The following IL1RAPL1 variants were observed in gnomAD, a reference collection of about 807,000 sequenced individuals.
The protein encoded by IL1RAPL1 is interleukin-1 receptor accessory protein-like 1.
IL1RAPL1 carries 3 observed loss-of-function variants against 48.4 expected under a neutral mutation model. The ratio of observed to expected loss-of-function variants is 0.06; its 90% confidence interval spans 0.03 to 0.16. The LOEUF is 0.16. IL1RAPL1 is among the 10% of genes least tolerant of loss of function. IL1RAPL1 has a pLI of 1.00. For synonymous variants in IL1RAPL1, 185 were observed against 187.7 expected, an observed-to-expected ratio of 0.99 and a Z score of 0.12; for missense variants, 349 against 530.6, an observed-to-expected ratio of 0.66 and a Z score of 3.36.
intron 5 of IL1RAPL1, among the ~76,000 whole-genome samples, chrX:29,616,324 C>CTT (rs57186880): frequency 9.8e-6 from 1 of 102,411 alleles, no homozygotes; most frequent in Non-Finnish European, 2.0e-5. Flanking sequence ...AGGAGGGATT[C>CTT]TTTTTTTTTT....
rs756145589 is a variant in IL1RAPL1, at chrX:28,619,618, A to G, written c.-25+31571A>G. On this transcript the variant is annotated intron_variant, in intron 1 of 10. Transcript: ENST00000378993. ...TGAGACCCCGTCTCCAAAAAAAAAA[A>G]AAAAAAAAGATAAAAAAAATTGTTT... Among the ~76,000 whole-genome samples, 20 of 109,276 alleles carry G rather than the reference A, an allele frequency of 1.8e-4. No individual in the cohort carries two copies. The South Asian group carries it at 7.7e-3, about 42-fold the overall frequency. 94.9% of individuals were successfully genotyped at this position (109,276 alleles called of 115,157 possible).
chrX:29,802,804 T>C (rs1184533241), intron 6 of IL1RAPL1, among the ~76,000 whole-genome samples: 2 of 59,435 alleles, frequency 3.4e-5, no homozygotes, highest in Non-Finnish European at 5.5e-5. Context: ...TATATATATA[T>C]ATATATGTGT....
chrX:28,919,238 T>G (rs1405227693), intron 2 of IL1RAPL1, among the ~76,000 whole-genome samples: 1 of 111,938 alleles, frequency 8.9e-6, no homozygotes, highest in Admixed American at 9.5e-5. Flanking sequence ...TATTAACTTA[T>G]TTCATAAGGC....
intron 6 of IL1RAPL1, among the ~76,000 whole-genome samples, chrX:29,873,052 A>G (rs938271962): frequency 1.8e-5 from 2 of 111,522 alleles, no homozygotes; most frequent in Non-Finnish European, 1.9e-5. Flanking sequence ...ATGTGATGTC[A>G]CTGGAGGGGA....
chrX:28,922,124 A>C (rs1026897153), intron 2 of IL1RAPL1, among the ~76,000 whole-genome samples: 11 of 111,738 alleles, frequency 9.8e-5, no homozygotes, highest in African/African-American at 3.6e-4. Context: ...AAATCAAGAA[A>C]CTACCTCAGT....
At chrX:29,685,283 A>G (rs910144258) in intron 6 of IL1RAPL1, among the ~76,000 whole-genome samples, 2 of 110,433 alleles carry the variant, frequency 1.8e-5, no homozygotes, top group Admixed American at 9.5e-5. Context: ...TGGGCAGATC[A>G]CCTGAGGTCA....
In IL1RAPL1 at chrX:28,795,743, A is replaced by G. The variant is rs1032007463; in HGVS notation, c.82+6318A>G. Among the ~76,000 whole-genome samples, 10 of 111,064 alleles carry G rather than the reference A, an allele frequency of 9.0e-5. No individual in the cohort carries two copies. In the Admixed American group the frequency reaches 9.6e-4, roughly 11 times the overall value. ...TAATAATATTCAAAGTATCATAAGT[A>G]TATAAGTGTGGTACTGTATTATGAG... On this transcript the variant is annotated intron_variant, in intron 2 of 10. Coordinates refer to ENST00000378993, the MANE Select transcript of IL1RAPL1 (RefSeq NM_014271.4).
rs1452872466 is a variant in IL1RAPL1 at position 28,729,869 on chromosome X, G to A, written c.-24-59451G>A. 4.5e-5 allele frequency among the ~76,000 whole-genome samples: 5 copies of A among 110,829 alleles called. No homozygotes were observed. The East Asian group carries it at 1.4e-3, about 32-fold the overall frequency. On this transcript the variant is annotated intron_variant, in intron 1 of 10. Transcript: ENST00000378993. ...AAATTAGCTGGGTGTGGTGGTGCAC[G>A]CCTGTAGTCCCAGCTACTCTGGAGG...
chrX:29,739,718 C>A (rs1484810218), intron 6 of IL1RAPL1, among the ~76,000 whole-genome samples: 1 of 111,030 alleles, frequency 9.0e-6, no homozygotes, highest in Non-Finnish European at 1.9e-5. Flanking sequence ...ATTTAGAGTA[C>A]CTTGCTCTTC....
At position 29,881,682 on chromosome X, in the gene IL1RAPL1, G is replaced by C. The variant is rs1432025584; in HGVS notation, c.779-35782G>C. 7.2e-5 allele frequency among the ~76,000 whole-genome samples: 8 copies of C among 111,169 alleles called. No individual in the cohort carries two copies. The Admixed American group carries it at 7.7e-4, about 11-fold the overall frequency. ...CCATCCCCTCAAACATTTATCCTGTGAGTTACAAACAAACAACTCGATTAC... is the reference window on the plus strand; with the variant it reads ...CCATCCCCTCAAACATTTATCCTGTCAGTTACAAACAAACAACTCGATTAC... On this transcript the variant is annotated intron_variant, in intron 6 of 10. Transcript: ENST00000378993.
intron 3 of IL1RAPL1, among the ~76,000 whole-genome samples, chrX:29,309,955 A>C (rs1443540126): frequency 9.7e-6 from 1 of 102,904 alleles, no homozygotes; most frequent in Admixed American, 1.0e-4. Flanking sequence ...TTAGCCGAGC[A>C]TGGTGGCGGG....
intron 2 of IL1RAPL1, among the ~76,000 whole-genome samples, chrX:28,919,104 CAT>C (rs1191280892): frequency 1.8e-5 from 2 of 111,704 alleles, no homozygotes; most frequent in African/African-American, 3.3e-5. Context: ...AGGAACATCA[CAT>C]GTGTTCAATA....
chrX:29,883,083 A>G (rs1932063466), intron 6 of IL1RAPL1, among the ~76,000 whole-genome samples: 1 of 111,992 alleles, frequency 8.9e-6, no homozygotes, highest in Non-Finnish European at 1.9e-5. Flanking sequence ...TTCATTCTTC[A>G]AAGTAGTTAT....
intron 2 of IL1RAPL1, among the ~76,000 whole-genome samples, chrX:29,014,564 T>G (rs1926198161): frequency 9.0e-6 from 1 of 111,481 alleles, no homozygotes; most frequent in Admixed American, 9.6e-5. Context: ...AAAACTGTAG[T>G]TTATGTGTAT....
chrX:28,857,818 G>A (rs1245058613), intron 2 of IL1RAPL1, among the ~76,000 whole-genome samples: 1 of 111,918 alleles, frequency 8.9e-6, no homozygotes, highest in African/African-American at 3.2e-5. Context: ...ATAAAGGTGT[G>A]ATTTTTCAAG....
chrX:28,735,631 G>T (rs1449275420), intron 1 of IL1RAPL1, among the ~76,000 whole-genome samples: 1 of 109,262 alleles, frequency 9.2e-6, no homozygotes, highest in African/African-American at 3.3e-5. Context: ...AATTAGCTGG[G>T]TGTAGTGACA....
At chrX:29,592,297 G>T (rs1923402459) in intron 5 of IL1RAPL1, among the ~76,000 whole-genome samples, 1 of 111,418 alleles carries the variant, frequency 9.0e-6, no homozygotes, top group Non-Finnish European at 1.9e-5. Flanking sequence ...AATTGTGTTT[G>T]CAATAAGATA....
intron 1 of IL1RAPL1, among the ~76,000 whole-genome samples, chrX:28,623,933 C>A (rs1293844027): frequency 9.0e-6 from 1 of 111,664 alleles, no homozygotes; most frequent in African/African-American, 3.3e-5. Context: ...TTTGGTATTT[C>A]TTTCATTTCT....
chrX:28,910,682 C>A (rs1404813849), intron 2 of IL1RAPL1, among the ~76,000 whole-genome samples: 1 of 107,981 alleles, frequency 9.3e-6, no homozygotes, highest in Non-Finnish European at 1.9e-5. Context: ...AGATAGATGA[C>A]TAATATAGAT....
Sources: allele counts gnomAD v4.1 joint callset (sites outside exome capture counted in the v4.1 genomes callset), GRCh38; gene constraint gnomAD v4.1.1; transcripts MANE v1.5; gene names NCBI Gene and HGNC (gene_info 2026-07-23, HGNC 2026-07-21).